The following FGF12 variants were observed in gnomAD, a reference collection of about 807,000 sequenced individuals.
FGF12 encodes fibroblast growth factor 12B.
Under a neutral mutation model 23.6 loss-of-function variants are expected in FGF12, and 14 were observed. The ratio of observed to expected loss-of-function variants is 0.59; its 90% CI spans 0.39 to 0.93. FGF12 has a LOEUF of 0.93. FGF12 is among the 40% of genes least tolerant of loss of function. The pLI is 0.00. For missense variants in FGF12, 175 were observed against 217.8 expected (o/e 0.80, Z 1.24); for synonymous variants, 62 against 77.3 (o/e 0.80, Z 1.04).
intron 2 of FGF12, among the ~76,000 whole-genome samples, chr3:192,374,894 A>G (rs1352007252): frequency 6.6e-6 from 1 of 152,144 alleles, no homozygotes; most frequent in Non-Finnish European, 1.5e-5. Context: ...ATTTTCCATA[A>G]TTGCTTCAAA....
chr3:192,434,797 G>C (rs1721966234), intron 2 of FGF12, among the ~76,000 whole-genome samples: 1 of 151,862 alleles, frequency 6.6e-6, no homozygotes, highest in South Asian at 2.1e-4. Context: ...CCAGAATGCT[G>C]TTTATTAGTT....
Position 192,351,420 on chromosome 3 carries a change from C to T in FGF12, c.124+9008G>A, listed in dbSNP as rs774149986. ...AGCCCAAGCTACTTTGTCTTACAAT[C>T]GGTGATATTTAAGGGGTTTGTACTG... On this transcript the variant is annotated intron_variant, in intron 3 of 5. Transcript: ENST00000445105. Among the ~76,000 whole-genome samples the T allele has an allele frequency of 8.5e-5, 13 of 152,250 alleles. No individual in the cohort carries two copies. In the South Asian group the frequency reaches 1.0e-3, roughly 12 times the overall value.
rs1046396650 is a variant in FGF12 at position 192,274,623 on chromosome 3, G to T, written c.228+60738C>A. Among the ~76,000 whole-genome samples the T allele has an allele frequency of 1.6e-4, 24 of 152,180 alleles. No individual in the cohort carries two copies. In the East Asian group the frequency reaches 4.4e-3, roughly 28 times the overall value. Reference sequence around the variant, plus strand: ...AGAGAGATAGAATATAGAAGAAATGGTTTCTACTTACAGCTACTATCTAAT... The same window carrying T: ...AGAGAGATAGAATATAGAAGAAATGTTTTCTACTTACAGCTACTATCTAAT... On this transcript the variant is annotated intron_variant, in intron 4 of 5. Transcript: ENST00000445105.
intron 2 of FGF12, among the ~76,000 whole-genome samples, chr3:192,637,971 G>C (rs1365137209): frequency 6.6e-6 from 1 of 152,140 alleles, no homozygotes; most frequent in African/African-American, 2.4e-5. Context: ...TAAAGAGGTG[G>C]CTTGCCTCCA....
intron 2 of FGF12, among the ~76,000 whole-genome samples, chr3:192,605,304 C>T (rs1404306214): frequency 6.6e-6 from 1 of 151,530 alleles, no homozygotes; most frequent in Non-Finnish European, 1.5e-5. Context: ...TCTCTTGAAC[C>T]TGGGAGGTGG....
intron 2 of FGF12, among the ~76,000 whole-genome samples, chr3:192,411,765 A>C (rs1037961646): frequency 2.0e-5 from 3 of 152,202 alleles, no homozygotes; most frequent in Non-Finnish European, 2.9e-5. Flanking sequence ...AGGTCAGCTA[A>C]GGGGAGTAGC....
intron 5 of FGF12, among the ~76,000 whole-genome samples, chr3:192,158,490 C>T (rs946832096): frequency 3.4e-5 from 5 of 146,418 alleles, no homozygotes; most frequent in African/African-American, 1.3e-4. Context: ...CTCTCCCTTC[C>T]TTCCTCTCTC....
At chr3:192,442,581 A>G (rs1722231370) in intron 2 of FGF12, among the ~76,000 whole-genome samples, 1 of 152,192 alleles carries the variant, frequency 6.6e-6, no homozygotes, top group African/African-American at 2.4e-5. Context: ...AAGATTACAC[A>G]CATGTTTTTC....
chr3:192,194,708 A>C (rs1716972872), intron 4 of FGF12, among the ~76,000 whole-genome samples: 1 of 152,174 alleles, frequency 6.6e-6, no homozygotes, highest in Non-Finnish European at 1.5e-5. Flanking sequence ...CAGTTTAAAA[A>C]CCAATACTAT....
intron 2 of FGF12, among the ~76,000 whole-genome samples, chr3:192,588,412 T>C (rs928919277): frequency 5.7e-4 from 70 of 122,818 alleles, no homozygotes; most frequent in African/African-American, 2.0e-3. Flanking sequence ...AAAAATTAAA[T>C]AAAATTAAAA....
At chr3:192,700,678 C>T (rs1427687135) in intron 2 of FGF12, among the ~76,000 whole-genome samples, 2 of 152,086 alleles carry the variant, frequency 1.3e-5, no homozygotes, top group Non-Finnish European at 2.9e-5. Flanking sequence ...CTTATAGAAC[C>T]CTTCTTGGCT....
At chr3:192,325,839 T>C (rs1716789647) in intron 4 of FGF12, among the ~76,000 whole-genome samples, 1 of 152,176 alleles carries the variant, frequency 6.6e-6, no homozygotes, top group Non-Finnish European at 1.5e-5. Flanking sequence ...CTCTTAAAAC[T>C]ACAGCACCAT....
chr3:192,251,042 A>T (rs1490489863), intron 4 of FGF12, among the ~76,000 whole-genome samples: 2 of 152,122 alleles, frequency 1.3e-5, no homozygotes, highest in African/African-American at 2.4e-5. Flanking sequence ...TGGGTTTTGG[A>T]TAAGAAAAAC....
chr3:192,180,840 A>G (rs536494312), intron 4 of FGF12, among the ~76,000 whole-genome samples: 1 of 152,310 alleles, frequency 6.6e-6, no homozygotes, highest in Non-Finnish European at 1.5e-5. Flanking sequence ...TTGATCTTTG[A>G]GAGAAGGCAG....
chr3:192,586,214 A>G (rs1002683413), intron 2 of FGF12, among the ~76,000 whole-genome samples: 17 of 152,172 alleles, frequency 1.1e-4, no homozygotes, highest in African/African-American at 4.1e-4. Flanking sequence ...CAGGTAAATC[A>G]CATCTCCTAA....
At chr3:192,575,639 T>C (rs1325113517) in intron 2 of FGF12, among the ~76,000 whole-genome samples, 1 of 150,130 alleles carries the variant, frequency 6.7e-6, no homozygotes, top group South Asian at 2.1e-4. Context: ...ACTTAGCCAG[T>C]AGGGTTTGCT....
intron 2 of FGF12, among the ~76,000 whole-genome samples, chr3:192,717,562 A>C (rs1261781060): frequency 1.3e-5 from 2 of 152,212 alleles, no homozygotes; most frequent in Admixed American, 6.5e-5. Flanking sequence ...AACTGAACCC[A>C]ACACCTATTA....
intron 4 of FGF12, among the ~76,000 whole-genome samples, chr3:192,220,597 G>A (rs940511855): frequency 2.0e-5 from 3 of 151,824 alleles, no homozygotes; most frequent in African/African-American, 7.3e-5. Context: ...TACATCACTC[G>A]ACATACTGAG....
At chr3:192,283,408 G>A (rs1056799992) in intron 4 of FGF12, among the ~76,000 whole-genome samples, 2 of 151,978 alleles carry the variant, frequency 1.3e-5, no homozygotes, top group African/African-American at 4.8e-5. Context: ...TAAACTCTTC[G>A]TTAAAGGATA....
Sources: gnomAD v4.1 joint callset for allele counts (sites outside exome capture counted in the v4.1 genomes callset) on GRCh38, gnomAD v4.1.1 for gene constraint, MANE v1.5 for transcripts, NCBI Gene and HGNC (gene_info 2026-07-23, HGNC 2026-07-21) for gene names.